The following SPATA6L variants were observed in gnomAD, a reference collection of about 807,000 sequenced individuals.
SPATA6L encodes the protein spermatogenesis associated 6 like.
In SPATA6L, 68 loss-of-function variants were observed where a neutral mutation model predicts 49.2. The observed-to-expected ratio is 1.38, with a 90% CI of 1.14 to 1.69. SPATA6L has a LOEUF of 1.69. Ranked by LOEUF, SPATA6L falls within the 40% of genes most tolerant of loss-of-function variation. The pLI is 0.00. For missense variants in SPATA6L, 668 were observed against 464.3 expected (o/e 1.44, Z -4.03); for synonymous variants, 198 against 165.7 (o/e 1.19, Z -1.50).
At chr9:4,649,184 GC>G (rs1237677149) in intron 3 of SPATA6L, among the ~76,000 whole-genome samples, 1 of 152,136 alleles carries the variant, frequency 6.6e-6, no homozygotes, top group Non-Finnish European at 1.5e-5. Flanking sequence ...GCATAAACAT[GC>G]GTGTGTAAGT....
chr9:4,644,183 CAAAAAAAAAAAAAAAAAAA>C (rs58325546), intron 3 of SPATA6L, among the ~76,000 whole-genome samples: 975 of 45,734 alleles, frequency 0.021, 27 homozygotes, highest in African/African-American at 0.054. Context: ...GCCATCTCTG[CAAAAAAAAAAAAAAAAAAA>C]AAAAAAAAAA....
intron 13 of SPATA6L, among the ~76,000 whole-genome samples, chr9:4,590,907 AAG>A (rs1821862674): frequency 6.6e-6 from 1 of 152,194 alleles, no homozygotes; most frequent in Non-Finnish European, 1.5e-5. Flanking sequence ...TAACTCAGGA[AAG>A]CCATTACCAA....
intron 3 of SPATA6L, among the ~76,000 whole-genome samples, chr9:4,644,692 C>T (rs1355504187): frequency 8.9e-6 from 1 of 112,678 alleles, no homozygotes; most frequent in Non-Finnish European, 1.9e-5. Flanking sequence ...CTCTCACACA[C>T]ACACACACAC....
At chr9:4,632,769 G>A (rs1831904509) in intron 4 of SPATA6L, among the ~76,000 whole-genome samples, 1 of 152,086 alleles carries the variant, frequency 6.6e-6, no homozygotes, top group African/African-American at 2.4e-5. Flanking sequence ...CCTTAGTATT[G>A]TGTGATTCTC....
rs1277369518 is a variant in SPATA6L, at chr9:4,656,167, A to G, written c.178-78T>C. 6 of 1,188,550 alleles carry G rather than the reference A, an allele frequency of 5.0e-6. No individual in the cohort carries two copies. The Admixed American group carries it at 9.6e-5, about 19-fold the overall frequency. 73.6% of individuals were successfully genotyped at this position (1,188,550 alleles called of 1,614,324 possible). A position where few individuals can be genotyped will look rare whatever the true frequency, so the allele number is the denominator to read the frequency against. On this transcript the variant is annotated intron_variant, in intron 2 of 11. Coordinates refer to ENST00000682582, the MANE Select transcript of SPATA6L (RefSeq NM_001353486.2). ...TATAGAAACTGTAAATGCCAGGTGC[A>G]GTAGCTCACACCTGTAATCCTAGCA...
At chr9:4,637,377 A>G (rs1200272495) in intron 3 of SPATA6L, among the ~76,000 whole-genome samples, 1 of 152,144 alleles carries the variant, frequency 6.6e-6, no homozygotes, top group Non-Finnish European at 1.5e-5. Flanking sequence ...GACACTCCCC[A>G]TCACAATACC....
rs762235180 is a variant in SPATA6L at position 4,662,597 on chromosome 9, C to T, written c.40-561G>A. On this transcript the variant is annotated intron_variant, in intron 1 of 11. Coordinates refer to ENST00000682582, the MANE Select transcript of SPATA6L (RefSeq NM_001353486.2). This position sits in a 1 kb window ranked among gnomAD's most constrained non-coding sequence, Gnocchi z 4.9. ...ACCGCCGCGGCTCCTTCCCCCTGGC[C>T]GCGGCGGGCCCCTCGCAGTCGCCCG... 2.5e-6 allele frequency: 4 copies of T among 1,591,676 alleles called. No homozygotes were observed. Among genetic ancestry groups the T allele is most frequent in the Non-Finnish European group, 3.4e-6 (4 of 1,176,702 alleles).
intron 9 of SPATA6L, among the ~76,000 whole-genome samples, chr9:4,608,042 CA>C (rs1825747288): frequency 6.8e-6 from 1 of 148,146 alleles, no homozygotes; most frequent in Admixed American, 6.8e-5. Flanking sequence ...TCAAAAGAGA[CA>C]AAGAAGGCCA....
chr9:4,648,136 T>C (rs1373796847), intron 3 of SPATA6L, among the ~76,000 whole-genome samples: 3 of 152,090 alleles, frequency 2.0e-5, no homozygotes, highest in African/African-American at 4.8e-5. Flanking sequence ...TGCCCAGCCA[T>C]GAAAACATGT....
At chr9:4,620,010 TC>T (rs1554715100) in intron 7 of SPATA6L, among the ~76,000 whole-genome samples, 1 of 152,084 alleles carries the variant, frequency 6.6e-6, no homozygotes, top group Non-Finnish European at 1.5e-5. Flanking sequence ...GGACTGCTGA[TC>T]CCCCTCCCCA....
chr9:4,650,771 C>T (rs554992632), intron 3 of SPATA6L, among the ~76,000 whole-genome samples: 17 of 151,998 alleles, frequency 1.1e-4, no homozygotes, highest in Admixed American at 1.0e-3. Flanking sequence ...GCAATTCTTC[C>T]ACTTCACCCT....
intron 9 of SPATA6L, among the ~76,000 whole-genome samples, chr9:4,609,548 A>G (rs1826151437): frequency 6.6e-6 from 1 of 152,092 alleles, no homozygotes; most frequent in Non-Finnish European, 1.5e-5. Flanking sequence ...CAAAAACCAC[A>G]TGATTATCTC....
chr9:4,605,575 G>A (rs952088356), intron 9 of SPATA6L, 135 bp from the exon 10 acceptor site: 6 of 609,734 alleles, frequency 9.8e-6, no homozygotes, highest in African/African-American at 1.8e-5. Flanking sequence ...TAAACATAGT[G>A]TGATTTCAAT....
At chr9:4,664,327 C>G (rs912877622) in intron 1 of SPATA6L, 1 of 166,870 alleles carries the variant, frequency 6.0e-6, no homozygotes, top group Non-Finnish European at 1.5e-5. Context: ...TAAGCTTTCT[C>G]GTATATACCT....
intron 3 of SPATA6L, among the ~76,000 whole-genome samples, chr9:4,642,693 T>G (rs1394863115): frequency 6.6e-6 from 1 of 151,140 alleles, no homozygotes; most frequent in Non-Finnish European, 1.5e-5. Flanking sequence ...CCTTCTCCCA[T>G]GCTCTCTTAA....
rs756634418 is a variant in SPATA6L, at chr9:4,662,972, G to T, written c.40-936C>A. 1 of 1,612,864 alleles carries T rather than the reference G, an allele frequency of 6.2e-7. No individual in the cohort carries two copies. Among genetic ancestry groups the T allele is most frequent in the Non-Finnish European group, 8.5e-7 (1 of 1,179,916 alleles). On this transcript the variant is annotated intron_variant, in intron 1 of 11. Transcript: ENST00000682582. The surrounding 1 kb of genome is among the most constrained non-coding windows in gnomAD (Gnocchi z 4.9). The stretch of plus-strand genomic sequence containing the variant: ...GCCCGGCCCACAACCAGATGGACAT[G>T]TTTGTCACTCTCTCGGTGGACAAGT...
At chr9:4,629,302 A>T (rs1016683485) in intron 4 of SPATA6L, 134 bp from the exon 5 acceptor site, 8 of 580,328 alleles carry the variant, frequency 1.4e-5, no homozygotes, top group Non-Finnish European at 2.1e-5. Flanking sequence ...TCTAAAATAT[A>T]TATGTAATAA....
intron 11 of SPATA6L, among the ~76,000 whole-genome samples, chr9:4,601,363 G>C (rs1001253715): frequency 1.7e-5 from 1 of 59,586 alleles, no homozygotes; most frequent in Non-Finnish European, 3.8e-5. Flanking sequence ...GTTTCTTTAC[G>C]GGAGGTTTTT....
chr9:4,625,395 C>A lies in SPATA6L; in HGVS notation c.601G>T (p.Ala201Ser). Residue 201 changes from alanine to serine, a missense_variant, in exon 6 of 12, where the codon GCT becomes TCT. By Grantham distance (99) the Ala-to-Ser change is moderately conservative. Transcript: ENST00000682582. ...AAATTATTTCCAAGGTTCAACTGAG[C>A]TGGCTGGTCCTGGAAGAAATGCCTG... ...STRHFFQDQP[A>S]QLNLGNNFKI... 6.2e-7 allele frequency: 1 copy of A among 1,614,130 alleles called. No homozygotes were observed. The highest frequency in any genetic ancestry group is 1.1e-5 in the South Asian group (1 of 91,076).
Sources: allele counts gnomAD v4.1 joint callset (sites outside exome capture counted in the v4.1 genomes callset), GRCh38; gene constraint gnomAD v4.1.1; non-coding constraint Gnocchi (gnomAD v3.1); transcripts MANE v1.5; gene names NCBI Gene and HGNC (gene_info 2026-07-23, HGNC 2026-07-21).